The following SMURF1 variants were observed in gnomAD, a reference collection of about 807,000 sequenced individuals.
SMURF1 encodes SMAD specific E3 ubiquitin protein ligase 1, also known as E3 ubiquitin-protein ligase SMURF1.
In SMURF1, 44 loss-of-function variants were observed where a neutral mutation model predicts 98.0. That is an observed-to-expected ratio of 0.45 (90% CI 0.35 to 0.58). The LOEUF is 0.58. SMURF1 is among the 20% of genes least tolerant of loss of function. The pLI is 0.00. For missense variants in SMURF1, 687 were observed against 938.4 expected, an observed-to-expected ratio of 0.73 and a Z score of 3.50; for synonymous variants, 396 against 374.9, an observed-to-expected ratio of 1.06 and a Z score of -0.65.
chr7:99,070,288 C>T (rs1418288029), intron 1 of SMURF1, among the ~76,000 whole-genome samples: 2 of 152,182 alleles, frequency 1.3e-5, no homozygotes, highest in African/African-American at 4.8e-5. Flanking sequence ...CAGCACCAAA[C>T]ATTAATACTA....
rs1241838666 is a variant in SMURF1 at position 99,060,520 on chromosome 7, T to TC, written c.203+78dup. On this transcript the variant is annotated intron_variant, in intron 3 of 17. Transcript: ENST00000361368. ...TAAAAAGTCATCCTTTTTTTTTTTT[T>TC]CTCTTGGATGTTTCTCGTAAAAGGT... 6 of 823,554 alleles carry TC rather than the reference T, an allele frequency of 7.3e-6. No homozygotes were observed. The East Asian group carries it at 1.5e-4, about 20-fold the overall frequency. The allele number at this position is 823,554 out of a possible 1,614,324, so 51.0% of individuals were successfully genotyped here.
intron 1 of SMURF1, among the ~76,000 whole-genome samples, chr7:99,068,992 A>C (rs1796261241): frequency 6.6e-6 from 1 of 152,332 alleles, no homozygotes; most frequent in East Asian, 1.9e-4. Flanking sequence ...CAAAAAAATA[A>C]GGACAATGTA....
At chr7:99,085,824 T>A (rs1357010252) in intron 1 of SMURF1, among the ~76,000 whole-genome samples, 1 of 152,236 alleles carries the variant, frequency 6.6e-6, no homozygotes, top group Non-Finnish European at 1.5e-5. Context: ...TTTTCCAGAA[T>A]GTCACATAGT....
At chr7:99,138,929 G>C (rs559976776) in intron 1 of SMURF1, among the ~76,000 whole-genome samples, 1 of 152,160 alleles carries the variant, frequency 6.6e-6, no homozygotes, top group Non-Finnish European at 1.5e-5. Context: ...TGCCTTAACT[G>C]TATCTTCCTA....
chr7:99,128,213 G>A (rs1797787902), intron 1 of SMURF1, among the ~76,000 whole-genome samples: 1 of 152,186 alleles, frequency 6.6e-6, no homozygotes, highest in African/African-American at 2.4e-5. Context: ...TGTGCCAGGA[G>A]ATAGCCTCTG....
Position 99,143,877 on chromosome 7 carries a change from G to C in SMURF1, c.-97C>G, listed in dbSNP as rs1177203261. ...GCCGCCGCCTCAAGGTTACGGCTCC[G>C]GGCTGGGCGCCGGGGTCCGAGCCGG... On this transcript the variant is annotated 5_prime_UTR_variant, in exon 1 of 18. Coordinates refer to ENST00000361368, the MANE Select transcript of SMURF1 (RefSeq NM_181349.3). The C allele has an allele frequency of 2.1e-5, 24 of 1,147,004 alleles. No individual in the cohort carries two copies. The highest frequency in any genetic ancestry group is 2.7e-5 in the Non-Finnish European group (23 of 866,968). The allele number at this position is 1,147,004 out of a possible 1,614,324, so 71.1% of individuals were successfully genotyped here. A position where few individuals can be genotyped will look rare whatever the true frequency, so the allele number is the denominator to read the frequency against.
At chr7:99,100,279 G>A (rs765297476) in intron 1 of SMURF1, among the ~76,000 whole-genome samples, 21 of 152,244 alleles carry the variant, frequency 1.4e-4, no homozygotes, top group Non-Finnish European at 2.9e-5. Context: ...TTCCGGCCCT[G>A]CCCAATGGCT....
intron 3 of SMURF1, among the ~76,000 whole-genome samples, chr7:99,058,264 A>G (rs1258195404): frequency 6.6e-6 from 1 of 151,738 alleles, no homozygotes; most frequent in African/African-American, 2.4e-5. Flanking sequence ...CCAGCAGCTG[A>G]GATTACAGGC....
rs140631697 is a variant in SMURF1, at chr7:99,127,147, C to T, written c.55+16579G>A. On this transcript the variant is annotated intron_variant, in intron 1 of 17. Transcript: ENST00000361368. ...GCTAGCCAGAAGTAGTTACATGGTC[C>T]CACCTAACTGCAAGGTCACACGGGA... Among the ~76,000 whole-genome samples the T allele has an allele frequency of 5.2e-4, 79 of 152,294 alleles. 2 individuals are homozygous for T. The East Asian group carries it at 0.013, about 25-fold the overall frequency.
intron 16 of SMURF1, chr7:99,035,281 C>T (rs1282568421): frequency 5.3e-6 from 3 of 568,480 alleles, no homozygotes; most frequent in Non-Finnish European, 9.4e-6. Context: ...GAGGGGGAAT[C>T]CAGGTGCCCT....
At chr7:99,140,810 A>T (rs1456868200) in intron 1 of SMURF1, among the ~76,000 whole-genome samples, 1 of 151,644 alleles carries the variant, frequency 6.6e-6, no homozygotes, top group Non-Finnish European at 1.5e-5. Flanking sequence ...TTTTTTCCAA[A>T]TAACAAACAT....
At chr7:99,122,756 T>C (rs1279041409) in intron 1 of SMURF1, among the ~76,000 whole-genome samples, 2 of 148,284 alleles carry the variant, frequency 1.3e-5, no homozygotes, top group South Asian at 2.1e-4. Context: ...TTTTTTTTTT[T>C]TTTTTTTTTT....
chr7:99,089,240 C>G (rs1796752481), intron 1 of SMURF1, among the ~76,000 whole-genome samples: 1 of 151,708 alleles, frequency 6.6e-6, no homozygotes, highest in Non-Finnish European at 1.5e-5. Flanking sequence ...ATCAGTCAGA[C>G]AGGACACCGC....
chr7:99,089,002 G>A (rs952660963), intron 1 of SMURF1, among the ~76,000 whole-genome samples: 3 of 152,012 alleles, frequency 2.0e-5, no homozygotes, highest in Non-Finnish European at 2.9e-5. Flanking sequence ...TCAAGAGATT[G>A]AGACCATCCT....
intron 1 of SMURF1, among the ~76,000 whole-genome samples, chr7:99,089,070 GGCGT>G (rs1232108747): frequency 6.6e-6 from 1 of 152,120 alleles, no homozygotes; most frequent in Non-Finnish European, 1.5e-5. Flanking sequence ...TAGGCGTGGT[GGCGT>G]GCGCCTGTAA....
At chr7:99,072,587 G>A (rs1796352458) in intron 1 of SMURF1, among the ~76,000 whole-genome samples, 2 of 152,174 alleles carry the variant, frequency 1.3e-5, no homozygotes, top group African/African-American at 4.8e-5. Flanking sequence ...AGGCTGCAGT[G>A]AGCCAAGATT....
At chr7:99,060,846 G>T (rs1280271062) in intron 2 of SMURF1, 139 bp from the exon 3 acceptor site, 3 of 457,028 alleles carry the variant, frequency 6.6e-6, no homozygotes, top group Non-Finnish European at 7.7e-6. Flanking sequence ...TTCTAAGAGA[G>T]CCTAGTATGC....
intron 13 of SMURF1, 43 bp downstream of exon 13, chr7:99,040,335 G>T (rs766755073): frequency 2.1e-6 from 3 of 1,422,138 alleles, no homozygotes; most frequent in Non-Finnish European, 2.8e-6. Context: ...TAGACGTGGT[G>T]GTGGGCCCTA....
Position 99,060,131 on chromosome 7 carries a change from A to G in SMURF1, c.203+468T>C, listed in dbSNP as rs372544028. Among the ~76,000 whole-genome samples, 4 of 152,042 alleles carry G rather than the reference A, an allele frequency of 2.6e-5. No homozygotes were observed. In the East Asian group the frequency reaches 5.9e-4, roughly 22 times the overall value. On this transcript the variant is annotated intron_variant, in intron 3 of 17. Transcript: ENST00000361368. The stretch of plus-strand genomic sequence containing the variant: ...AGTGGCTCACGCCTGTAATCCCAAC[A>G]CTTTGGGAGGCTAAGGTGGGCAGAT...
Sources: allele counts gnomAD v4.1 joint callset (sites outside exome capture counted in the v4.1 genomes callset), GRCh38; gene constraint gnomAD v4.1.1; transcripts MANE v1.5; gene names NCBI Gene and HGNC (gene_info 2026-07-23, HGNC 2026-07-21).